Variants in ZFHX3 observed in about 807,000 individuals in gnomAD.
ZFHX3 encodes the protein zinc finger homeobox 3, also known as zinc finger homeobox protein 3.
A neutral mutation model predicts 279.1 loss-of-function variants in ZFHX3; 42 were observed. The observed-to-expected ratio is 0.15, with a 90% CI of 0.12 to 0.19. The LOEUF (loss-of-function observed/expected upper bound fraction) is 0.19. ZFHX3 is among the 10% of genes least tolerant of loss of function. The probability of loss-of-function intolerance (pLI) is 1.00; values close to 1 mark genes in which losing one functional copy is unlikely to be tolerated. For synonymous variants in ZFHX3, 2,293 were observed against 1,957.8 expected, an observed-to-expected ratio of 1.17 and a Z score of -4.52; for missense variants, 4,981 against 4,754.0, an observed-to-expected ratio of 1.05 and a Z score of -1.40.
At chr16:73,406,539 C>T (rs932365537) in intron 3 of ZFHX3, among the ~76,000 whole-genome samples, 1 of 152,208 alleles carries the variant, frequency 6.6e-6, no homozygotes, top group African/African-American at 2.4e-5. Flanking sequence ...CGCGTAGCTG[C>T]TCCAGGCTCA....
At chr16:72,894,414 C>T (rs982637728) in intron 3 of ZFHX3, among the ~76,000 whole-genome samples, 4 of 152,264 alleles carry the variant, frequency 2.6e-5, no homozygotes, top group South Asian at 2.1e-4. Context: ...AGGCCCTGAG[C>T]GGCTCAACCC....
chr16:73,731,119 T>C (rs1296317018), intron 1 of ZFHX3, among the ~76,000 whole-genome samples: 3 of 152,242 alleles, frequency 2.0e-5, no homozygotes, highest in Non-Finnish European at 4.4e-5. Context: ...AAGGTAGTCA[T>C]CTCTGCGCTC....
rs181444238 is a variant in ZFHX3, at chr16:73,603,101, C to A, written c.-1547+77079G>T. Among the ~76,000 whole-genome samples, 1,302 of 151,886 alleles carry A rather than the reference C, an allele frequency of 8.6e-3. 19 individuals carry two copies. The highest frequency in any genetic ancestry group is 0.03 in the African/African-American group (1,232 of 41,398). The stretch of plus-strand genomic sequence containing the variant: ...GAGATAGAGACCATCCTGGCTAACA[C>A]GGTAAAACCTGTCTCTACTAAAAAA... On this transcript the variant is annotated intron_variant, in intron 2 of 17. Coordinates refer to the ZFHX3 transcript ENST00000641206.
chr16:72,838,096 T>C (rs952862880), intron 4 of ZFHX3, among the ~76,000 whole-genome samples: 5 of 152,176 alleles, frequency 3.3e-5, no homozygotes, highest in Non-Finnish European at 7.3e-5. Context: ...AACCCCACAC[T>C]GAAGGAATTC....
intron 3 of ZFHX3, among the ~76,000 whole-genome samples, chr16:73,443,001 A>G (rs77803639): frequency 0.019 from 2,833 of 152,248 alleles, 39 homozygotes; most frequent in Non-Finnish European, 0.029. Context: ...CACCAGTGAT[A>G]TTGGATTAGG....
intron 2 of ZFHX3, among the ~76,000 whole-genome samples, chr16:73,578,336 A>T (rs1321684923): frequency 6.6e-6 from 1 of 151,552 alleles, no homozygotes; most frequent in Non-Finnish European, 1.5e-5. Context: ...GTCTTTAGAG[A>T]TCGTATATGG....
At chr16:73,232,968 G>A (rs1358595656) in intron 5 of ZFHX3, 3 of 152,090 alleles carry the variant, frequency 2.0e-5, no homozygotes, top group African/African-American at 4.8e-5. Flanking sequence ...GGGTTCAGTG[G>A]AGGGTGTGTT....
chr16:73,844,364 A>G (rs1458434011), intron 1 of ZFHX3, among the ~76,000 whole-genome samples: 1 of 152,284 alleles, frequency 6.6e-6, no homozygotes, highest in South Asian at 2.1e-4. Flanking sequence ...AAAAGTCCCA[A>G]ATAAGAAAGC....
chr16:73,181,575 G>A (rs776712270), intron 5 of ZFHX3, among the ~76,000 whole-genome samples: 10 of 152,096 alleles, frequency 6.6e-5, no homozygotes, highest in African/African-American at 7.2e-5. Flanking sequence ...GAGTAGTCTC[G>A]GGGTTAAATT....
intron 4 of ZFHX3, among the ~76,000 whole-genome samples, chr16:73,263,222 G>A (rs2013874057): frequency 6.7e-6 from 1 of 149,998 alleles, no homozygotes; most frequent in South Asian, 2.1e-4. Context: ...TAGAGACAGA[G>A]TCTTACTCTG....
chr16:72,880,914 A>G (rs1420385719), intron 4 of ZFHX3, among the ~76,000 whole-genome samples: 1 of 152,254 alleles, frequency 6.6e-6, no homozygotes, highest in African/African-American at 2.4e-5. Context: ...AGTAGCAAAA[A>G]GCAAAATTAA....
intron 3 of ZFHX3, among the ~76,000 whole-genome samples, chr16:73,452,069 T>A (rs1464199888): frequency 6.6e-6 from 1 of 152,134 alleles, no homozygotes; most frequent in Non-Finnish European, 1.5e-5. Context: ...GATAAACACA[T>A]GGGAATCAGT....
intron 7 of ZFHX3, among the ~76,000 whole-genome samples, chr16:73,109,194 G>A (rs1014839644): frequency 6.6e-6 from 1 of 152,232 alleles, no homozygotes; most frequent in Non-Finnish European, 1.5e-5. Flanking sequence ...ACATTCAAAT[G>A]TGAGTGAGTG....
intron 1 of ZFHX3, among the ~76,000 whole-genome samples, chr16:73,878,523 C>T (rs2030028768): frequency 6.6e-6 from 1 of 152,066 alleles, no homozygotes; most frequent in African/African-American, 2.4e-5. Context: ...AGAATCAGCT[C>T]TCATTTTGAA....
chr16:73,221,395 T>C (rs1012845748), intron 5 of ZFHX3, among the ~76,000 whole-genome samples: 20 of 152,176 alleles, frequency 1.3e-4, no homozygotes, highest in South Asian at 2.1e-4. Flanking sequence ...CTTGAGTATA[T>C]ATTTTATTTT....
chr16:72,841,718 T>G (rs755932721), intron 4 of ZFHX3, among the ~76,000 whole-genome samples: 3 of 152,178 alleles, frequency 2.0e-5, no homozygotes, highest in Non-Finnish European at 4.4e-5. Flanking sequence ...CTATTTAGCT[T>G]TTCCTCCTGT....
intron 5 of ZFHX3, among the ~76,000 whole-genome samples, chr16:73,167,019 T>C (rs1045200703): frequency 3.3e-5 from 5 of 152,250 alleles, no homozygotes; most frequent in African/African-American, 1.2e-4. Context: ...CTCCAAACTA[T>C]AGCCACAGTC....
chr16:72,796,044 T>C lies in ZFHX3; in HGVS notation c.6638A>G (p.Asn2213Ser). ...RNKDSPYNFS[N>S]PPITSLEELK... ...CTCCTCCAGGCTGGTGATAGGAGGA[T>C]TACTGAAGTTGTAAGGGGAGTCCTT... The change falls in exon 9 of 10, where the codon AAT (asparagine) becomes AGT (serine). Residue 2213 changes from asparagine (N) to serine (S), a missense_variant. This residue lies in a region of ZFHX3 where 177 missense variants were observed against 244.2 expected (regional missense o/e 0.72). Coordinates refer to ENST00000268489, the MANE Select transcript of ZFHX3 (RefSeq NM_006885.4). The C allele has an allele frequency of 6.2e-7, 1 of 1,614,138 alleles. No individual in the cohort carries two copies.
At chr16:73,270,866 AG>A (rs893268721) in intron 4 of ZFHX3, among the ~76,000 whole-genome samples, 61 of 152,174 alleles carry the variant, frequency 4.0e-4, no homozygotes, top group African/African-American at 1.5e-3. Flanking sequence ...CTAGGTATGG[AG>A]GGGAAGAAGC....
Sources: gnomAD v4.1 joint callset for allele counts (sites outside exome capture counted in the v4.1 genomes callset) on GRCh38, gnomAD v4.1.1 for gene constraint, gnomAD v4.1.1 regional missense constraint, MANE v1.5 for transcripts, NCBI Gene and HGNC (gene_info 2026-07-23, HGNC 2026-07-21) for gene names.